The following SLC7A2 variants were observed in gnomAD, a reference collection of about 807,000 sequenced individuals.
SLC7A2 encodes solute carrier family 7 member 2.
SLC7A2 carries 48 observed loss-of-function variants against 58.9 expected under a neutral mutation model. The ratio of observed to expected loss-of-function variants is 0.82; its 90% CI spans 0.65 to 1.04. The LOEUF is 1.04. SLC7A2 is among the 50% of genes least tolerant of loss of function. SLC7A2 has a pLI of 0.00. For missense variants in SLC7A2, 1,029 were observed against 818.8 expected (o/e 1.26, Z -3.13); for synonymous variants, 363 against 314.5 (o/e 1.15, Z -1.63).
intron 8 of SLC7A2, chr8:17,555,060 G>A (rs774584094): frequency 1.5e-5 from 24 of 1,613,804 alleles, no homozygotes; most frequent in South Asian, 7.7e-5. Flanking sequence ...TTGCTGCCAC[G>A]TTGACTGCAG....
At chr8:17,546,554 C>G (rs1394428580) in intron 4 of SLC7A2, among the ~76,000 whole-genome samples, 1 of 152,132 alleles carries the variant, frequency 6.6e-6, no homozygotes, top group East Asian at 1.9e-4. Context: ...TGTTGGGAAA[C>G]TTACATGAAA....
At chr8:17,541,065 G>A (rs976751965) in intron 2 of SLC7A2, among the ~76,000 whole-genome samples, 11 of 152,118 alleles carry the variant, frequency 7.2e-5, no homozygotes, top group African/African-American at 9.7e-5. Flanking sequence ...ATCTTAAATC[G>A]TTAATGAACT....
intron 4 of SLC7A2, among the ~76,000 whole-genome samples, chr8:17,547,194 G>T (rs181319884): frequency 2.6e-5 from 4 of 152,212 alleles, no homozygotes; most frequent in Admixed American, 1.3e-4. Flanking sequence ...GTTCCACATG[G>T]TTGGGGAGGC....
chr8:17,526,689 T>C (rs1801235121), intron 2 of SLC7A2, among the ~76,000 whole-genome samples: 1 of 152,046 alleles, frequency 6.6e-6, no homozygotes, highest in Non-Finnish European at 1.5e-5. Context: ...CTGGAAACCA[T>C]GGATCAGGGA....
intron 8 of SLC7A2, among the ~76,000 whole-genome samples, 155 bp from the exon 9 acceptor site, chr8:17,558,140 T>C (rs1802796142): frequency 6.6e-6 from 1 of 152,174 alleles, no homozygotes; most frequent in African/African-American, 2.4e-5. Flanking sequence ...AAGAACATCT[T>C]ATTAACTGTG....
At chr8:17,546,023 T>C (rs892961305) in intron 4 of SLC7A2, among the ~76,000 whole-genome samples, 2 of 152,192 alleles carry the variant, frequency 1.3e-5, no homozygotes, top group African/African-American at 4.8e-5. Flanking sequence ...CTAAAATGTT[T>C]TGCATTTTGA....
chr8:17,543,237 C>G (rs1801996342), intron 2 of SLC7A2, 81 bp from the exon 3 acceptor site: 1 of 1,288,066 alleles, frequency 7.8e-7, no homozygotes, highest in Non-Finnish European at 1.1e-6. Context: ...CACACATACT[C>G]TAATTGTGCC....
chr8:17,520,796 A>T, intron 2 of SLC7A2: 1 of 686,706 alleles, frequency 1.5e-6, no homozygotes, highest in Non-Finnish European at 1.8e-6. Flanking sequence ...TAAGCAGAGG[A>T]TATTTTTAAA....
intron 2 of SLC7A2, among the ~76,000 whole-genome samples, chr8:17,520,457 A>G (rs1800969340): frequency 6.6e-6 from 1 of 151,810 alleles, no homozygotes; most frequent in South Asian, 2.1e-4. Flanking sequence ...CCTGGCCAGC[A>G]TGGTGAAACC....
At chr8:17,519,342 T>C (rs7843817) in intron 2 of SLC7A2, among the ~76,000 whole-genome samples, 78,746 of 152,080 alleles carry the variant, frequency 0.52, 22,392 homozygotes, top group Non-Finnish European at 0.64. Context: ...AAGTAAGTTA[T>C]AGTGATGGTA....
chr8:17,562,132 G>C (rs760712027), intron 11 of SLC7A2, 22 bp downstream of exon 11: 6 of 1,546,144 alleles, frequency 3.9e-6, no homozygotes, highest in Non-Finnish European at 5.3e-6. Flanking sequence ...GAGGATTAGA[G>C]ACCCAAAATA....
rs777472632 is a variant in SLC7A2 at position 17,565,109 on chromosome 8, C to A, written c.1940C>A (p.Ser647Ter). 9 of 1,613,590 alleles carry A rather than the reference C, an allele frequency of 5.6e-6. No homozygotes were observed. Among genetic ancestry groups the A allele is most frequent in the Non-Finnish European group, 5.9e-6 (7 of 1,179,848 alleles). The change falls in exon 13 of 13, where the codon TCA (serine) becomes TAA (stop). Residue 647 changes from serine (S) to a stop codon, truncating the protein, a stop_gained. Coordinates refer to ENST00000494857, the MANE Select transcript of SLC7A2 (RefSeq NM_001370338.1). LOFTEE classifies it high-confidence loss of function. ...GACCATCACCCAAGAAATCTCAGTTCACCTTTCATATTCCATGAAAAGACA... is the reference window on the plus strand; with the variant it reads ...GACCATCACCCAAGAAATCTCAGTTAACCTTTCATATTCCATGAAAAGACA... Reference protein sequence around the residue: ...ANDHHPRNLSSPFIFHEKTSE... With the variant: ...ANDHHPRNLS
At chr8:17,530,351 T>C (rs1389188534) in intron 2 of SLC7A2, among the ~76,000 whole-genome samples, 1 of 152,116 alleles carries the variant, frequency 6.6e-6, no homozygotes, top group East Asian at 1.9e-4. Context: ...GCTGGATACA[T>C]GCAGTTCAGT....
At chr8:17,495,404 A>C (rs1799932771), upstream of SLC7A2, among the ~76,000 whole-genome samples, 1 of 152,196 alleles carries the variant, frequency 6.6e-6, no homozygotes, top group Non-Finnish European at 1.5e-5. Flanking sequence ...CATTTCCCTT[A>C]ATGTTATTAA....
chr8:17,522,538 AT>A (rs2150692093), intron 2 of SLC7A2, among the ~76,000 whole-genome samples: 1 of 152,162 alleles, frequency 6.6e-6, no homozygotes, highest in Non-Finnish European at 1.5e-5. Context: ...TTCTTACTAT[AT>A]TTTATCACAT....
At chr8:17,537,163 TCTC>T (rs1801703420) in intron 2 of SLC7A2, among the ~76,000 whole-genome samples, 1 of 152,154 alleles carries the variant, frequency 6.6e-6, no homozygotes, top group Non-Finnish European at 1.5e-5. Context: ...TTCAAGCAAT[TCTC>T]CTGCCTTAGC....
intron 2 of SLC7A2, among the ~76,000 whole-genome samples, chr8:17,515,826 A>T (rs907504388): frequency 2.0e-5 from 3 of 152,216 alleles, no homozygotes; most frequent in African/African-American, 7.2e-5. Flanking sequence ...TGTTCCACAA[A>T]ATTCCTCAAT....
intron 1 of SLC7A2, among the ~76,000 whole-genome samples, chr8:17,500,799 TACACACAC>T (rs60002166): frequency 0.33 from 47,974 of 145,658 alleles, 7,785 homozygotes; most frequent in East Asian, 0.45. Context: ...AACACACACA[TACACACAC>T]ACACACACAC....
chr8:17,500,581 G>A (rs1800113829), intron 1 of SLC7A2: 2 of 152,176 alleles, frequency 1.3e-5, no homozygotes, highest in Non-Finnish European at 2.9e-5. Flanking sequence ...TAACAAACCT[G>A]TGTGTTCTGC....
Sources: allele counts gnomAD v4.1 joint callset (sites outside exome capture counted in the v4.1 genomes callset), GRCh38; gene constraint gnomAD v4.1.1; transcripts MANE v1.5; gene names NCBI Gene and HGNC (gene_info 2026-07-23, HGNC 2026-07-21).